FABP12: variants seen among roughly 807,000 people sequenced by gnomAD.
FABP12 encodes fatty acid binding protein 12.
FABP12 carries 19 observed loss-of-function variants against 13.7 expected under a neutral mutation model. The observed-to-expected ratio is 1.39, with a 90% CI of 0.97 to 2.04. The LOEUF (loss-of-function observed/expected upper bound fraction) is 2.04. Among genes scored for constraint, FABP12 ranks in the 30% most tolerant of loss-of-function variants. The pLI is 0.00. For synonymous variants in FABP12, 61 were observed against 57.0 expected (o/e 1.07, Z -0.32); for missense variants, 182 against 164.2 (o/e 1.11, Z -0.59).
chr8:81,546,379 C>A (rs1294875018), intron 1 of FABP12, among the ~76,000 whole-genome samples: 1 of 151,948 alleles, frequency 6.6e-6, no homozygotes. Context: ...AATGGCTGGG[C>A]GCAGTGGCTC....
chr8:81,566,458 G>C (rs1809822278), intron 1 of FABP12, among the ~76,000 whole-genome samples: 1 of 151,994 alleles, frequency 6.6e-6, no homozygotes, highest in South Asian at 2.1e-4. Flanking sequence ...ACATTAAAAA[G>C]ATCATTCATC....
intron 1 of FABP12, among the ~76,000 whole-genome samples, chr8:81,576,764 C>T (rs1194988759): frequency 6.6e-6 from 1 of 152,162 alleles, no homozygotes; most frequent in Non-Finnish European, 1.5e-5. Context: ...TTATTTCTAG[C>T]TCATGCTATA....
At chr8:81,578,842 T>TTTTTTTTTTTA (rs1810103921) in intron 1 of FABP12, among the ~76,000 whole-genome samples, 1 of 145,826 alleles carries the variant, frequency 6.9e-6, no homozygotes, top group African/African-American at 2.6e-5. Flanking sequence ...TTTTTTTTTT[T>TTTTTTTTTTTA]GAGAAGGAGT....
chr8:81,526,011 A>G (rs1808890555), intron 4 of FABP12: 1 of 152,206 alleles, frequency 6.6e-6, no homozygotes, highest in Non-Finnish European at 1.5e-5. Context: ...TTTGATTCTG[A>G]GTGTAGCATT....
chr8:81,550,545 G>A (rs113596304), intron 1 of FABP12, among the ~76,000 whole-genome samples: 1,524 of 152,160 alleles, frequency 0.01, 16 homozygotes, highest in African/African-American at 0.033. Context: ...GAGTATGTTC[G>A]AATCTCTACT....
upstream of FABP12, among the ~76,000 whole-genome samples, chr8:81,537,856 T>A (rs754035525): frequency 5.3e-5 from 8 of 152,148 alleles, no homozygotes; most frequent in Non-Finnish European, 1.2e-4. Context: ...CATGCCAACA[T>A]TCTTCACACA....
chr8:81,588,155 C>T (rs962584579), intron 1 of FABP12, among the ~76,000 whole-genome samples: 2 of 152,190 alleles, frequency 1.3e-5, no homozygotes, highest in African/African-American at 4.8e-5. Flanking sequence ...ATGTTAATCT[C>T]CTTTGGTAAC....
chr8:81,577,370 T>C (rs984671171), intron 1 of FABP12, among the ~76,000 whole-genome samples: 1 of 152,232 alleles, frequency 6.6e-6, no homozygotes, highest in Non-Finnish European at 1.5e-5. Flanking sequence ...GTTGTATTAA[T>C]TTTGATTTTA....
At chr8:81,560,263 T>G (rs1285150916) in intron 1 of FABP12, among the ~76,000 whole-genome samples, 1 of 152,154 alleles carries the variant, frequency 6.6e-6, no homozygotes, top group Non-Finnish European at 1.5e-5. Flanking sequence ...ATCACTTCTA[T>G]TCTCTATTTT....
At chr8:81,560,426 C>T (rs1809703877) in intron 1 of FABP12, among the ~76,000 whole-genome samples, 1 of 152,204 alleles carries the variant, frequency 6.6e-6, no homozygotes, top group African/African-American at 2.4e-5. Context: ...AGGCATTTCT[C>T]ATCTTATTTT....
intron 1 of FABP12, among the ~76,000 whole-genome samples, chr8:81,552,859 T>A (rs1428385645): frequency 6.6e-6 from 1 of 152,092 alleles, no homozygotes; most frequent in Admixed American, 6.5e-5. Context: ...AGCTAGTGGT[T>A]CCATTTACTG....
intron 1 of FABP12, among the ~76,000 whole-genome samples, chr8:81,542,822 G>A (rs1809372507): frequency 6.6e-6 from 1 of 152,148 alleles, no homozygotes; most frequent in Non-Finnish European, 1.5e-5. Flanking sequence ...CACATTTTGA[G>A]CAGAATAGAG....
chr8:81,587,038 G>A (rs34615959), intron 1 of FABP12, among the ~76,000 whole-genome samples: 2,918 of 152,218 alleles, frequency 0.019, 66 homozygotes, highest in African/African-American at 0.056. Context: ...AGCACCATTT[G>A]TTGAACAGGG....
In FABP12 at chr8:81,529,485, G is replaced by A. The variant is rs1393525427; in HGVS notation, c.199C>T (p.Leu67=). The change falls in exon 3 of 5, where the codon CTG becomes TTG. Residue 67 remains leucine, a synonymous_variant. Transcript: ENST00000360464. ...GTGATTTCCTCAAACTCTTCTCCCA[G>A]CTTAAAGGAGATCTCATTATTTTTA... 2.5e-6 allele frequency: 4 copies of A among 1,613,756 alleles called. No individual in the cohort carries two copies. The African/African-American group carries it at 4.0e-5, about 16-fold the overall frequency.
intron 1 of FABP12, among the ~76,000 whole-genome samples, chr8:81,559,027 C>T (rs1430795290): frequency 6.6e-6 from 1 of 152,124 alleles, no homozygotes; most frequent in Non-Finnish European, 1.5e-5. Flanking sequence ...ACACTACACT[C>T]AGCCAAACAC....
At chr8:81,547,034 GAAGA>G (rs776755286) in intron 1 of FABP12, among the ~76,000 whole-genome samples, 1 of 152,162 alleles carries the variant, frequency 6.6e-6, no homozygotes, top group Non-Finnish European at 1.5e-5. Flanking sequence ...GTAACATGAG[GAAGA>G]AAGAAAGGGA....
intron 1 of FABP12, among the ~76,000 whole-genome samples, chr8:81,563,748 G>A (rs1021045710): frequency 4.6e-5 from 7 of 152,022 alleles, no homozygotes; most frequent in Non-Finnish European, 8.8e-5. Flanking sequence ...AGAGAAAAAA[G>A]AAAGAAGAAT....
intron 1 of FABP12, among the ~76,000 whole-genome samples, chr8:81,553,894 C>T (rs1260039562): frequency 6.6e-6 from 1 of 152,124 alleles, no homozygotes; most frequent in Non-Finnish European, 1.5e-5. Context: ...AGACAATTCC[C>T]TTGCAACATA....
At chr8:81,528,333 C>T (rs1473651719) in intron 3 of FABP12, among the ~76,000 whole-genome samples, 1 of 152,200 alleles carries the variant, frequency 6.6e-6, no homozygotes, top group Non-Finnish European at 1.5e-5. Context: ...CCTGTTTTGG[C>T]CTCCCAAAGT....
Sources: gnomAD v4.1 joint callset for allele counts (sites outside exome capture counted in the v4.1 genomes callset) on GRCh38, gnomAD v4.1.1 for gene constraint, MANE v1.5 for transcripts, NCBI Gene and HGNC (gene_info 2026-07-23, HGNC 2026-07-21) for gene names.